The following CCNT2 variants were observed in gnomAD, a reference collection of about 807,000 sequenced individuals.
CCNT2 encodes cyclin T2.
In CCNT2, 18 loss-of-function variants were observed where a neutral mutation model predicts 70.0. That is an observed-to-expected ratio of 0.26 (90% CI 0.18 to 0.38). The LOEUF (loss-of-function observed/expected upper bound fraction) is 0.38, where lower values mean the gene tolerates loss of function less well. Ranked by LOEUF, CCNT2 falls within the 10% of genes least tolerant of loss-of-function variation. CCNT2 has a pLI of 1.00. For missense variants in CCNT2, 734 were observed against 890.2 expected (o/e 0.82, Z 2.23); for synonymous variants, 334 against 313.3 (o/e 1.07, Z -0.70).
At chr2:134,950,702 A>G (rs2105083733) in intron 7 of CCNT2, among the ~76,000 whole-genome samples, 1 of 152,342 alleles carries the variant, frequency 6.6e-6, no homozygotes, top group African/African-American at 2.4e-5. Context: ...TATTCTTATT[A>G]CTTACTGAAA....
intron 2 of CCNT2, among the ~76,000 whole-genome samples, chr2:134,936,341 T>C (rs1306885671): frequency 6.6e-6 from 1 of 152,176 alleles, no homozygotes; most frequent in African/African-American, 2.4e-5. Flanking sequence ...ATTTATAGAT[T>C]AGTTCTATTT....
In CCNT2 at chr2:134,958,551, G is replaced by A. The variant is rs567728377; in HGVS notation, c.*3903G>A. 2.6e-5 allele frequency: 4 copies of A among 152,238 alleles called. No homozygotes were observed. The highest frequency in any genetic ancestry group is 4.4e-5 in the Non-Finnish European group (3 of 68,028). 9.4% of individuals were successfully genotyped at this position (152,238 alleles called of 1,614,324 possible). ...GAAAAGCAGCACATTCTCTGACCTT[G>A]GGTACCAAGCTATGATACTAATTTG... On this transcript the variant is annotated 3_prime_UTR_variant, in exon 9 of 9. Coordinates refer to ENST00000264157, the MANE Select transcript of CCNT2 (RefSeq NM_058241.3).
At chr2:134,942,832 A>C (rs896290534) in intron 5 of CCNT2, 158 bp downstream of exon 5, 29 of 1,380,812 alleles carry the variant, frequency 2.1e-5, no homozygotes, top group African/African-American at 3.0e-5. Flanking sequence ...TTCTACATCT[A>C]CTTCTATTTG....
At position 134,946,080 on chromosome 2, in the gene CCNT2, GTTTT is replaced by G; in HGVS notation, c.494-11_494-8del. On this transcript the variant is annotated splice_polypyrimidine_tract_variant and intron_variant, in intron 5 of 8. Coordinates refer to ENST00000264157, the MANE Select transcript of CCNT2 (RefSeq NM_058241.3). ...CGTTAAGGCTGATAGTATTGTCTTC[GTTTT>G]TTTTTTTTTCTTACAGCAAGCAAGG... is the stretch of plus-strand genomic sequence containing the variant. 2 of 1,355,682 alleles carry G rather than the reference GTTTT, an allele frequency of 1.5e-6. No homozygotes were observed. The highest frequency in any genetic ancestry group is 1.9e-5 in the Admixed American group (1 of 52,976). 84.0% of individuals were successfully genotyped at this position (1,355,682 alleles called of 1,614,324 possible). A position where few individuals can be genotyped will look rare whatever the true frequency, so the allele number is the denominator to read the frequency against.
intron 2 of CCNT2, among the ~76,000 whole-genome samples, chr2:134,924,123 A>T (rs1160132242): frequency 2.6e-5 from 4 of 151,812 alleles, no homozygotes; most frequent in Admixed American, 2.6e-4. Context: ...TGAAGTTGCT[A>T]CTCTTTCATA....
At chr2:134,945,131 T>G (rs1681856624) in intron 5 of CCNT2, 3 of 985,288 alleles carry the variant, frequency 3.0e-6, no homozygotes, top group East Asian at 1.1e-4. Flanking sequence ...TTAGCACAAC[T>G]CTGCTAAACC....
At chr2:134,930,187 A>G (rs1680638852) in intron 2 of CCNT2, among the ~76,000 whole-genome samples, 1 of 152,120 alleles carries the variant, frequency 6.6e-6, no homozygotes, top group African/African-American at 2.4e-5. Context: ...CAACCCCTAA[A>G]TTATTTTCTG....
In CCNT2 at chr2:134,953,731, A is replaced by G. The variant is rs757346756; in HGVS notation, c.1276A>G (p.Thr426Ala). Residue 426 changes from threonine (T) to alanine (A), a missense_variant, in exon 9 of 9, where the codon ACT (threonine) becomes GCT (alanine). Transcript: ENST00000264157. ...SSKHHGPIST[T>A]PGIIPQKMSL... ...TAAACACCATGGGCCAATTTCCACT[A>G]CTCCAGGAATAATTCCTCAGAAAAT... 44 of 1,613,986 alleles carry G rather than the reference A, an allele frequency of 2.7e-5. No individual in the cohort carries two copies. Among genetic ancestry groups the G allele is most frequent in the Non-Finnish European group, 5.1e-6 (6 of 1,179,936 alleles).
At chr2:134,935,542 A>G (rs1217372290) in intron 2 of CCNT2, among the ~76,000 whole-genome samples, 1 of 152,222 alleles carries the variant, frequency 6.6e-6, no homozygotes, top group African/African-American at 2.4e-5. Context: ...GCCCCCTGCA[A>G]GACATAGTGA....
At position 134,956,400 on chromosome 2, in the gene CCNT2, T is replaced by C. The variant is rs1682926502; in HGVS notation, c.*1752T>C. On this transcript the variant is annotated 3_prime_UTR_variant, in exon 9 of 9. Transcript: ENST00000264157. ...TGCCTAGGTAGCATGTCCTAACATT[T>C]GTTCTGGTCTTGCATAACTTCAGTA... is the stretch of plus-strand genomic sequence containing the variant. The C allele has an allele frequency of 6.6e-6, 1 of 152,580 alleles. No individual in the cohort carries two copies. Among genetic ancestry groups the C allele is most frequent in the South Asian group, 2.1e-4 (1 of 4,834 alleles). The allele number at this position is 152,580 out of a possible 1,614,324, so 9.5% of individuals were successfully genotyped here. A position where few individuals can be genotyped will look rare whatever the true frequency, so the allele number is the denominator to read the frequency against.
intron 2 of CCNT2, among the ~76,000 whole-genome samples, chr2:134,928,433 C>T (rs753841079): frequency 7.9e-5 from 12 of 151,962 alleles, no homozygotes; most frequent in Non-Finnish European, 1.6e-4. Context: ...CATGCACCAA[C>T]ACTCCCGGCT....
At chr2:134,946,205 C>A in intron 6 of CCNT2, 59 bp downstream of exon 6, 1 of 1,565,592 alleles carries the variant, frequency 6.4e-7, no homozygotes, top group Non-Finnish European at 8.8e-7. Context: ...TCCTTTAATG[C>A]AGGGCCCCCT....
intron 2 of CCNT2, among the ~76,000 whole-genome samples, chr2:134,928,274 C>CTTTTTTTTTTTTTTTTTTTTTTTTCT (rs551173090): frequency 1.0e-5 from 1 of 96,428 alleles, no homozygotes; most frequent in African/African-American, 4.0e-5. Flanking sequence ...CATTGTATTT[C>CTTTTTTTTTTTTTTTTTTTTTTTTCT]TTTTTTTTTT....
intron 6 of CCNT2, among the ~76,000 whole-genome samples, chr2:134,947,098 AT>A (rs1238219547): frequency 1.3e-5 from 2 of 152,228 alleles, no homozygotes; most frequent in African/African-American, 4.8e-5. Context: ...TTCATGCCCC[AT>A]ATTTGGCATA....
chr2:134,927,646 G>A (rs1305148893), intron 2 of CCNT2, among the ~76,000 whole-genome samples: 1 of 152,098 alleles, frequency 6.6e-6, no homozygotes, highest in African/African-American at 2.4e-5. Flanking sequence ...GATTTTCAAG[G>A]CCATTGCAGA....
At chr2:134,941,861 A>G (rs1434295611) in intron 4 of CCNT2, among the ~76,000 whole-genome samples, 5 of 152,308 alleles carry the variant, frequency 3.3e-5, no homozygotes, top group African/African-American at 4.8e-5. Flanking sequence ...AGTATTCTGC[A>G]TATTTAATTA....
chr2:134,943,601 T>C, intron 5 of CCNT2: 4 of 984,914 alleles, frequency 4.1e-6, no homozygotes, highest in Non-Finnish European at 4.8e-6. Flanking sequence ...ACAGGAGTAC[T>C]TTTTAAAAAT....
chr2:134,953,538 A>C lies in CCNT2; in HGVS notation c.1083A>C (p.Glu361Asp), dbSNP rs1229054146. 6.2e-7 allele frequency: 1 copy of C among 1,614,118 alleles called. No homozygotes were observed. The highest frequency in any genetic ancestry group is 1.7e-5 in the Admixed American group (1 of 60,008). The change falls in exon 9 of 9, where the codon GAA becomes GAC. Residue 361 changes from glutamate to aspartate, a missense_variant. Coordinates refer to ENST00000264157, the MANE Select transcript of CCNT2 (RefSeq NM_058241.3). ...AACATCAAGACTCAGCAAGGACAGA[A>C]CAGCTATATTCACAGAAACAGGAGA... ...WPQHQDSART[E>D]QLYSQKQETS...
chr2:134,953,584 T>C lies in CCNT2; in HGVS notation c.1129T>C (p.Tyr377His). The C allele has an allele frequency of 6.2e-7, 1 of 1,614,100 alleles. No individual in the cohort carries two copies. The highest frequency in any genetic ancestry group is 8.5e-7 in the Non-Finnish European group (1 of 1,179,964). Residue 377 changes from tyrosine to histidine, a missense_variant, in exon 9 of 9, where the codon TAC becomes CAC. This residue lies in a region of CCNT2 where 532 missense variants were observed against 556.9 expected (regional missense o/e 0.96). Coordinates refer to ENST00000264157, the MANE Select transcript of CCNT2 (RefSeq NM_058241.3). The part of the protein sequence containing the change: ...KQETSLSGSQ[Y>H]NINFQQGPSI... ...GGAGACATCTTTGTCTGGTAGCCAGTACAACATCAACTTCCAGCAGGGACC... is the reference window on the plus strand; with the variant it reads ...GGAGACATCTTTGTCTGGTAGCCAGCACAACATCAACTTCCAGCAGGGACC...
Sources: allele counts gnomAD v4.1 joint callset (sites outside exome capture counted in the v4.1 genomes callset), GRCh38; gene constraint gnomAD v4.1.1; regional missense constraint gnomAD v4.1.1; transcripts MANE v1.5; gene names NCBI Gene and HGNC (gene_info 2026-07-23, HGNC 2026-07-21).